Variants in ATP6V1C1 observed in about 807,000 individuals in gnomAD.
ATP6V1C1 encodes ATPase H+ transporting V1 subunit C1, also known as V-type proton ATPase subunit C 1.
A neutral mutation model predicts 53.9 loss-of-function variants in ATP6V1C1; 45 were observed. That is an observed-to-expected ratio of 0.83 (90% CI 0.66 to 1.07). The LOEUF (loss-of-function observed/expected upper bound fraction) is 1.07, where lower values mean the gene tolerates loss of function less well. Among genes scored for constraint, ATP6V1C1 ranks in the 50% least tolerant of loss-of-function variants. The pLI, the probability that ATP6V1C1 is intolerant of heterozygous loss-of-function variation, is 0.00. For synonymous variants in ATP6V1C1, 153 were observed against 155.2 expected, an observed-to-expected ratio of 0.99 and a Z score of 0.11; for missense variants, 315 against 440.3, an observed-to-expected ratio of 0.72 and a Z score of 2.55.
intron 1 of ATP6V1C1, among the ~76,000 whole-genome samples, chr8:103,031,536 T>G (rs1247946502): frequency 2.0e-5 from 3 of 151,974 alleles, no homozygotes; most frequent in Non-Finnish European, 4.4e-5. Flanking sequence ...CATGATAACT[T>G]CTTACTATGG....
intron 2 of ATP6V1C1, among the ~76,000 whole-genome samples, chr8:103,041,473 T>A (rs2131389173): frequency 6.6e-6 from 1 of 152,272 alleles, no homozygotes; most frequent in South Asian, 2.1e-4. Flanking sequence ...CAGTAATCAG[T>A]TGATGGAACA....
intron 6 of ATP6V1C1, among the ~76,000 whole-genome samples, chr8:103,053,288 C>CCA (rs1435348234): frequency 6.6e-6 from 1 of 151,882 alleles, no homozygotes; most frequent in East Asian, 1.9e-4. Flanking sequence ...TCCCCTTGTA[C>CCA]TATGACTACT....
chr8:103,055,887 A>T lies in ATP6V1C1; in HGVS notation c.592A>T (p.Ile198Phe). 6.2e-7 allele frequency: 1 copy of T among 1,612,244 alleles called. No individual in the cohort carries two copies. Among genetic ancestry groups the T allele is most frequent in the South Asian group, 1.1e-5 (1 of 91,028 alleles). ...CTGCAGGTTAAACCACAACGACTGG[A>T]TTAAGCAGTATGAAACACTAGCCGA... ...VVPKLNHNDW[I>F]KQYETLAEMV... Residue 198 changes from isoleucine (I) to phenylalanine (F), a missense_variant, in exon 8 of 13, where the codon ATT becomes TTT. By Grantham distance (21) the Ile-to-Phe change is conservative (BLOSUM62 0). Coordinates refer to ENST00000518738, the MANE Select transcript of ATP6V1C1 (RefSeq NM_001695.5).
chr8:103,061,461 T>C (rs1356838581), intron 8 of ATP6V1C1, among the ~76,000 whole-genome samples: 1 of 152,220 alleles, frequency 6.6e-6, no homozygotes, highest in Non-Finnish European at 1.5e-5. Flanking sequence ...TTTAATATAG[T>C]ATCTTTAAAT....
intron 1 of ATP6V1C1, 35 bp downstream of exon 1, chr8:103,021,260 C>A (rs997726481): frequency 6.5e-6 from 1 of 152,720 alleles, no homozygotes; most frequent in Non-Finnish European, 1.5e-5. Context: ...GATGGGGAGT[C>A]CTGGTCAGGC....
At chr8:103,053,751 G>C (rs1478435806) in intron 6 of ATP6V1C1, 133 bp from the exon 7 acceptor site, 1 of 637,952 alleles carries the variant, frequency 1.6e-6, no homozygotes, top group Admixed American at 3.5e-5. Context: ...TTCTTACAAA[G>C]TAAAAATGTT....
rs1339743401 is a variant in ATP6V1C1 at position 103,072,513 on chromosome 8, G to A, written c.*3766G>A. 6.6e-6 allele frequency: 1 copy of A among 152,188 alleles called. No homozygotes were observed. Among genetic ancestry groups the A allele is most frequent in the African/African-American group, 2.4e-5 (1 of 41,466 alleles). 9.4% of individuals were successfully genotyped at this position (152,188 alleles called of 1,614,324 possible). On this transcript the variant is annotated 3_prime_UTR_variant, in exon 13 of 13. Transcript: ENST00000518738. ...CTAGAAGGTCTATAAATGGTATTAT[G>A]TTCTGGAGGAAACCTAGCAAAAACT...
At position 103,053,893 on chromosome 8, in the gene ATP6V1C1, G is replaced by C; in HGVS notation, c.483G>C (p.Leu161Phe). ...QNLERKNAGS[L>F]LTRSLAEIVK... ...TGTTTTAATTCCTCAGAGGAAGTTT[G>C]CTAACTAGAAGTCTAGCAGAAATTG... Residue 161 changes from leucine (L) to phenylalanine (F), a missense_variant, in exon 7 of 13, where the codon TTG becomes TTC. By Grantham distance (22) the Leu-to-Phe change is conservative. Transcript: ENST00000518738. The C allele has an allele frequency of 1.2e-6, 2 of 1,610,384 alleles. No individual in the cohort carries two copies. The highest frequency in any genetic ancestry group is 1.7e-6 in the Non-Finnish European group (2 of 1,178,038).
chr8:103,059,308 G>C (rs147573241), intron 8 of ATP6V1C1, among the ~76,000 whole-genome samples: 1 of 152,014 alleles, frequency 6.6e-6, no homozygotes, highest in African/African-American at 2.4e-5. Context: ...CTAAATCTTC[G>C]TCTGTAGCCA....
intron 1 of ATP6V1C1, among the ~76,000 whole-genome samples, chr8:103,029,048 G>C (rs1218975696): frequency 6.6e-6 from 1 of 151,826 alleles, no homozygotes; most frequent in African/African-American, 2.4e-5. Flanking sequence ...TATACAGAAA[G>C]GATGAAAACA....
chr8:103,034,918 G>A (rs1816865495), intron 1 of ATP6V1C1, among the ~76,000 whole-genome samples: 1 of 152,110 alleles, frequency 6.6e-6, no homozygotes, highest in South Asian at 2.1e-4. Context: ...CAAGTTGAGA[G>A]CGGTCATAGT....
At chr8:103,043,357 C>T (rs1402213768) in intron 3 of ATP6V1C1, among the ~76,000 whole-genome samples, 1 of 152,108 alleles carries the variant, frequency 6.6e-6, no homozygotes, top group Non-Finnish European at 1.5e-5. Context: ...GAGTCTCGCT[C>T]TGTCGCCCAG....
chr8:103,057,186 T>C (rs1239809567), intron 8 of ATP6V1C1, among the ~76,000 whole-genome samples: 5 of 152,214 alleles, frequency 3.3e-5, no homozygotes, highest in Non-Finnish European at 2.9e-5. Context: ...CAGAATCTTC[T>C]TGGGTCCAAA....
rs1368258101 is a variant in ATP6V1C1, at chr8:103,048,933, A to G, written c.264A>G (p.Gln88=). Residue 88 remains glutamine, a synonymous_variant, in exon 4 of 13, where the codon CAA becomes CAG. Coordinates refer to ENST00000518738, the MANE Select transcript of ATP6V1C1 (RefSeq NM_001695.5). ...DVLEDSKDKV[Q]ENLLANGVDL... ...TGGAAGATAGCAAAGACAAAGTTCA[A>G]GAGAATCTGTTGGCTAATGGAGGTA... is the stretch of plus-strand genomic sequence containing the variant. 6.2e-7 allele frequency: 1 copy of G among 1,613,194 alleles called. No homozygotes were observed. Among genetic ancestry groups the G allele is most frequent in the Admixed American group, 1.7e-5 (1 of 60,002 alleles).
In ATP6V1C1 at chr8:103,064,695, ATT is replaced by A. The variant is rs151079473; in HGVS notation, c.829-12_829-11del. On this transcript the variant is annotated splice_polypyrimidine_tract_variant and intron_variant, in intron 10 of 12. Transcript: ENST00000518738. ...TATTTCTAAGACCAAATTTGTGGTA[ATT>A]TTTTTTCTTTTTATAGGGACCACTT... 1 of 1,594,564 alleles carries A rather than the reference ATT, an allele frequency of 6.3e-7. No homozygotes were observed. The highest frequency in any genetic ancestry group is 1.1e-5 in the South Asian group (1 of 87,388).
rs141942717 is a variant in ATP6V1C1, at chr8:103,046,648, GTCC to G, written c.201-2217_201-2215del. 1.3e-3 allele frequency among the ~76,000 whole-genome samples: 192 copies of G among 152,254 alleles called. 2 individuals are homozygous for G. The highest frequency in any genetic ancestry group is 4.5e-3 in the African/African-American group (185 of 41,554). The stretch of plus-strand genomic sequence containing the variant: ...TTGTTCGGCAAGCACATCTTCTTCA[GTCC>G]TCCTGAATGATAAGAGGAATTTAAA... On this transcript the variant is annotated intron_variant, in intron 3 of 12. Coordinates refer to ENST00000518738, the MANE Select transcript of ATP6V1C1 (RefSeq NM_001695.5).
At chr8:103,066,553 A>C (rs1206901083) in intron 12 of ATP6V1C1, 106 bp downstream of exon 12, 1 of 1,248,572 alleles carries the variant, frequency 8.0e-7, no homozygotes, top group Non-Finnish European at 1.1e-6. Flanking sequence ...AAACTTAATC[A>C]TTTTTTATTA....
intron 3 of ATP6V1C1, among the ~76,000 whole-genome samples, chr8:103,044,080 G>T (rs182949545): frequency 8.9e-4 from 135 of 152,028 alleles, no homozygotes; most frequent in African/African-American, 3.2e-3. Context: ...ATAGAGATGG[G>T]GTTTCACCAT....
intron 1 of ATP6V1C1, 51 bp downstream of exon 1, chr8:103,021,276 C>T (rs1001090305): frequency 2.6e-5 from 4 of 152,656 alleles, no homozygotes; most frequent in Non-Finnish European, 4.4e-5. Flanking sequence ...CAGGCCGAAG[C>T]ATGAGCTCCG....
Sources: allele counts gnomAD v4.1 joint callset (sites outside exome capture counted in the v4.1 genomes callset), GRCh38; gene constraint gnomAD v4.1.1; transcripts MANE v1.5; gene names NCBI Gene and HGNC (gene_info 2026-07-23, HGNC 2026-07-21).